WDR41: variants seen among roughly 807,000 people sequenced by gnomAD.
The protein encoded by WDR41 is WD repeat-containing protein 41.
Under a neutral mutation model 69.3 loss-of-function variants are expected in WDR41, and 63 were observed. The ratio of observed to expected loss-of-function variants is 0.91; its 90% CI spans 0.74 to 1.12. The LOEUF is 1.12. Ranked by LOEUF, WDR41 falls within the 50% of genes most tolerant of loss-of-function variation. The pLI is 0.00. For missense variants in WDR41, 543 were observed against 534.5 expected (o/e 1.02, Z -0.16); for synonymous variants, 185 against 192.1 (o/e 0.96, Z 0.31).
chr5:77,544,818 G>T (rs987385581), intron 1 of WDR41, among the ~76,000 whole-genome samples: 11 of 152,014 alleles, frequency 7.2e-5, no homozygotes, highest in Admixed American at 2.0e-4. Flanking sequence ...GGAACAAATT[G>T]ACTTAATAGA....
At chr5:77,491,049 C>G in intron 1 of WDR41, 1 of 232,608 alleles carries the variant, frequency 4.3e-6, no homozygotes, top group Non-Finnish European at 9.1e-6. Context: ...ATCGCATCCC[C>G]GGTGACTTGC....
intron 1 of WDR41, among the ~76,000 whole-genome samples, chr5:77,530,844 A>T (rs542646766): frequency 1.3e-5 from 2 of 151,934 alleles, no homozygotes; most frequent in South Asian, 4.1e-4. Context: ...CTGTTTTGAA[A>T]TGTATCAAAA....
rs1055916229 is a variant in WDR41, at chr5:77,470,070, A to G, written c.168-5261T>C. ...ACGAAGGGAAGCCCATCAGACTAAC[A>G]GCAGATCTCTTGGCAGAAACTCTAC... On this transcript the variant is annotated intron_variant, in intron 2 of 12. Coordinates refer to ENST00000296679, the MANE Select transcript of WDR41 (RefSeq NM_018268.4). 1.9e-4 allele frequency among the ~76,000 whole-genome samples: 28 copies of G among 150,706 alleles called. 1 individual carries two copies. Among genetic ancestry groups the G allele is most frequent in the African/African-American group, 6.7e-4 (27 of 40,050 alleles).
intron 10 of WDR41, among the ~76,000 whole-genome samples, chr5:77,437,700 A>C (rs1798997313): frequency 6.6e-6 from 1 of 152,214 alleles, no homozygotes; most frequent in Non-Finnish European, 1.5e-5. Flanking sequence ...TATACTTCAC[A>C]ATGTCCTAAG....
At chr5:77,463,288 C>T (rs1216850054) in intron 3 of WDR41, 62 bp from the exon 4 acceptor site, 2 of 1,483,828 alleles carry the variant, frequency 1.3e-6, no homozygotes, top group Admixed American at 2.1e-5. Flanking sequence ...TCATAAATGA[C>T]TACATTAAGT....
At chr5:77,451,437 T>A in intron 6 of WDR41, 84 bp from the exon 7 acceptor site, 1 of 1,278,194 alleles carries the variant, frequency 7.8e-7, no homozygotes, top group Non-Finnish European at 1.1e-6. Flanking sequence ...TTTATGTCAG[T>A]CGTTTTCCAT....
At chr5:77,589,765 T>G (rs546809485) in intron 1 of WDR41, among the ~76,000 whole-genome samples, 44 of 152,280 alleles carry the variant, frequency 2.9e-4, no homozygotes, top group Middle Eastern at 6.8e-3. Flanking sequence ...AATCATGTCA[T>G]TCATGAACAA....
chr5:77,554,246 C>T (rs1167233283), intron 1 of WDR41, among the ~76,000 whole-genome samples: 2 of 151,976 alleles, frequency 1.3e-5, no homozygotes, highest in Non-Finnish European at 2.9e-5. Flanking sequence ...AATGGAGGAT[C>T]GATTAGTGGT....
rs1798750483 is a variant in WDR41 at position 77,432,241 on chromosome 5, GACT to G, written c.*891_*893del. 1.3e-5 allele frequency: 2 copies of G among 152,154 alleles called. No homozygotes were observed. The highest frequency in any genetic ancestry group is 6.6e-5 in the Admixed American group (1 of 15,264). 9.4% of individuals were successfully genotyped at this position (152,154 alleles called of 1,614,324 possible). On this transcript the variant is annotated 3_prime_UTR_variant, in exon 13 of 13. Coordinates refer to ENST00000296679, the MANE Select transcript of WDR41 (RefSeq NM_018268.4). ...TAAGAATTTCAATCTTTAATGTGTA[GACT>G]ACTTTCTAATATTTTCATTTTTTAG...
intron 2 of WDR41, among the ~76,000 whole-genome samples, chr5:77,472,709 A>G (rs1255508129): frequency 6.6e-6 from 1 of 152,094 alleles, no homozygotes; most frequent in Non-Finnish European, 1.5e-5. Context: ...AATCCAACTT[A>G]CAAGGGATGG....
At chr5:77,591,905 A>T (rs1744143907) in intron 1 of WDR41, among the ~76,000 whole-genome samples, 1 of 152,142 alleles carries the variant, frequency 6.6e-6, no homozygotes, top group African/African-American at 2.4e-5. Flanking sequence ...TTGAATTAAA[A>T]TTGTTCAAAT....
chr5:77,473,158 A>T (rs2111991633), intron 2 of WDR41, among the ~76,000 whole-genome samples: 1 of 152,346 alleles, frequency 6.6e-6, no homozygotes, highest in African/African-American at 2.4e-5. Context: ...CAACCATCTG[A>T]TCTTTGACAA....
At chr5:77,455,990 C>CA (rs1415619341) in intron 5 of WDR41, among the ~76,000 whole-genome samples, 2 of 148,794 alleles carry the variant, frequency 1.3e-5, no homozygotes, top group African/African-American at 5.0e-5. Flanking sequence ...AAAAAAACAA[C>CA]AAAAAAACAA....
chr5:77,535,775 G>A (rs1187333595), intron 1 of WDR41, among the ~76,000 whole-genome samples: 1 of 152,140 alleles, frequency 6.6e-6, no homozygotes, highest in Non-Finnish European at 1.5e-5. Context: ...TCTGCCCATG[G>A]ATTAGAGTAT....
chr5:77,462,478 A>G (rs1389349953), intron 4 of WDR41, among the ~76,000 whole-genome samples: 1 of 151,986 alleles, frequency 6.6e-6, no homozygotes, highest in African/African-American at 2.4e-5. Context: ...TAAATGAGTT[A>G]ATATATGTAA....
At chr5:77,456,460 A>C (rs1000572385) in intron 5 of WDR41, among the ~76,000 whole-genome samples, 3 of 152,220 alleles carry the variant, frequency 2.0e-5, no homozygotes, top group Non-Finnish European at 4.4e-5. Flanking sequence ...TCCATTTACT[A>C]GCCTCAATAG....
At chr5:77,498,830 GAAAAAAGAAAAAGA>G (rs1270974635) in intron 1 of WDR41, among the ~76,000 whole-genome samples, 3 of 141,872 alleles carry the variant, frequency 2.1e-5, no homozygotes, top group African/African-American at 5.4e-5. Context: ...AAAAAAAAAA[GAAAAAAGAAAAAGA>G]AAAAAAGAAA....
intron 1 of WDR41, among the ~76,000 whole-genome samples, chr5:77,490,022 C>G (rs1372733582): frequency 6.6e-6 from 1 of 152,124 alleles, no homozygotes; most frequent in Non-Finnish European, 1.5e-5. Context: ...TCAATACATG[C>G]TTGCTAAATG....
intron 1 of WDR41, among the ~76,000 whole-genome samples, chr5:77,512,745 CAA>C (rs71606301): frequency 0.018 from 1,332 of 74,038 alleles, 13 homozygotes; most frequent in African/African-American, 0.057. Flanking sequence ...GACTCCATCT[CAA>C]AAAAAAAAAA....
Sources: gnomAD v4.1 joint callset for allele counts (sites outside exome capture counted in the v4.1 genomes callset) on GRCh38, gnomAD v4.1.1 for gene constraint, MANE v1.5 for transcripts, NCBI Gene and HGNC (gene_info 2026-07-23, HGNC 2026-07-21) for gene names.